Variants in PRKG1 observed in about 807,000 individuals in gnomAD.
The protein encoded by PRKG1 is cGMP-dependent protein kinase 1.
Under a neutral mutation model 88.1 loss-of-function variants are expected in PRKG1, and 35 were observed. That is an observed-to-expected ratio of 0.40 (90% CI 0.30 to 0.53). PRKG1 has a LOEUF of 0.53. Among genes scored for constraint, PRKG1 ranks in the 20% least tolerant of loss-of-function variants. PRKG1 has a pLI of 0.59. For synonymous variants in PRKG1, 303 were observed against 292.5 expected (o/e 1.04, Z -0.37); for missense variants, 540 against 839.8 (o/e 0.64, Z 4.41).
chr10:52,193,266 C>T (rs763409956), intron 9 of PRKG1, among the ~76,000 whole-genome samples: 7 of 151,992 alleles, frequency 4.6e-5, no homozygotes, highest in East Asian at 1.9e-4. Flanking sequence ...AATGTCGGGC[C>T]GGGCGCAGTG....
At chr10:51,994,364 C>G (rs1348842397) in intron 5 of PRKG1, among the ~76,000 whole-genome samples, 1 of 152,130 alleles carries the variant, frequency 6.6e-6, no homozygotes, top group East Asian at 1.9e-4. Flanking sequence ...AGAAGATGCC[C>G]TCTTGTAAGT....
chr10:51,497,314 G>A (rs1053436934), intron 3 of PRKG1, among the ~76,000 whole-genome samples: 11 of 151,858 alleles, frequency 7.2e-5, no homozygotes, highest in African/African-American at 1.7e-4. Context: ...TACTTTTCCC[G>A]TGAATCATCC....
chr10:51,903,167 T>G (rs1182914372), intron 4 of PRKG1, among the ~76,000 whole-genome samples: 1 of 152,138 alleles, frequency 6.6e-6, no homozygotes, highest in African/African-American at 2.4e-5. Context: ...CAGTGTCATA[T>G]GGGCAAATGT....
chr10:51,988,317 A>C (rs1454878104), intron 5 of PRKG1, among the ~76,000 whole-genome samples: 2 of 152,090 alleles, frequency 1.3e-5, no homozygotes, highest in Non-Finnish European at 2.9e-5. Flanking sequence ...CACATTAGAA[A>C]ATTTATTGAT....
intron 9 of PRKG1, among the ~76,000 whole-genome samples, chr10:52,190,228 A>C (rs1839328951): frequency 6.6e-6 from 1 of 152,234 alleles, no homozygotes; most frequent in Non-Finnish European, 1.5e-5. Flanking sequence ...TTGACAATTG[A>C]GCTCTACAAC....
At chr10:52,275,935 TG>T (rs1841862949) in intron 12 of PRKG1, among the ~76,000 whole-genome samples, 1 of 152,138 alleles carries the variant, frequency 6.6e-6, no homozygotes, top group African/African-American at 2.4e-5. Context: ...TTTGTTTGTT[TG>T]TTTGCAGCTA....
At chr10:51,616,779 A>C (rs1345323558) in intron 3 of PRKG1, among the ~76,000 whole-genome samples, 1 of 152,114 alleles carries the variant, frequency 6.6e-6, no homozygotes, top group Non-Finnish European at 1.5e-5. Context: ...TAGCCCTGCC[A>C]CTGGGTAGGG....
chr10:52,063,999 G>C (rs138702825), intron 7 of PRKG1, among the ~76,000 whole-genome samples: 25 of 152,320 alleles, frequency 1.6e-4, no homozygotes, highest in African/African-American at 5.8e-4. Context: ...GTCCAGAAAA[G>C]GCACTGCAAG....
At chr10:51,565,124 C>T (rs1438148944) in intron 3 of PRKG1, among the ~76,000 whole-genome samples, 1 of 152,024 alleles carries the variant, frequency 6.6e-6, no homozygotes, top group Non-Finnish European at 1.5e-5. Flanking sequence ...ACCAAACAAA[C>T]AAAATAGATA....
chr10:52,133,344 C>T (rs567802654), intron 7 of PRKG1, among the ~76,000 whole-genome samples: 1 of 152,076 alleles, frequency 6.6e-6, no homozygotes, highest in African/African-American at 2.4e-5. Flanking sequence ...TGACTATGTG[C>T]CATAAATTGC....
intron 9 of PRKG1, among the ~76,000 whole-genome samples, chr10:52,181,419 C>CTTTTTTTTTTTTTTTTTT (rs761799361): frequency 1.8e-5 from 1 of 55,066 alleles, no homozygotes; most frequent in Non-Finnish European, 3.8e-5. Flanking sequence ...CACAGCTCTT[C>CTTTTTTTTTTTTTTTTTT]TTTTTTTTTT....
rs112623146 is a variant in PRKG1, at chr10:51,230,055, G to A, written c.478+76725G>A. On this transcript the variant is annotated intron_variant, in intron 2 of 17. Coordinates refer to ENST00000373980, the MANE Select transcript of PRKG1 (RefSeq NM_006258.4). ...ACTTGTAAGTGCTATTTTTCAACAC[G>A]TACAAGGATATTCTTTACAGCATTA... Among the ~76,000 whole-genome samples, 1,423 of 151,370 alleles carry A rather than the reference G, an allele frequency of 9.4e-3. 22 individuals carry two copies. Among genetic ancestry groups the A allele is most frequent in the African/African-American group, 0.029 (1,199 of 41,172 alleles).
At chr10:52,282,099 C>T in intron 13 of PRKG1, 54 bp from the exon 14 acceptor site, 2 of 1,445,606 alleles carry the variant, frequency 1.4e-6, no homozygotes, top group East Asian at 2.3e-5. Context: ...TAACTTATTA[C>T]TTTAAAACTT....
chr10:51,542,039 T>G (rs1040498715), intron 3 of PRKG1, among the ~76,000 whole-genome samples: 1 of 152,082 alleles, frequency 6.6e-6, no homozygotes, highest in East Asian at 1.9e-4. Context: ...AGGCTCTTCA[T>G]TAGTAACTAC....
intron 2 of PRKG1, among the ~76,000 whole-genome samples, chr10:51,271,923 G>T (rs1422642456): frequency 3.3e-5 from 5 of 152,300 alleles, no homozygotes; most frequent in Non-Finnish European, 5.9e-5. Context: ...AATTCTTTGG[G>T]TGTATACCCA....
At chr10:51,557,934 A>T (rs1192137047) in intron 3 of PRKG1, among the ~76,000 whole-genome samples, 2 of 152,224 alleles carry the variant, frequency 1.3e-5, no homozygotes, top group African/African-American at 4.8e-5. Context: ...GTAAAAATCA[A>T]TAGAAATATT....
chr10:51,377,678 TA>T (rs916996150), intron 2 of PRKG1, among the ~76,000 whole-genome samples: 31 of 152,258 alleles, frequency 2.0e-4, no homozygotes, highest in Admixed American at 1.6e-3. Flanking sequence ...TGTTTTTCTT[TA>T]AAAAAATAAA....
intron 7 of PRKG1, among the ~76,000 whole-genome samples, chr10:52,085,568 A>G (rs966314672): frequency 5.9e-5 from 9 of 152,034 alleles, no homozygotes; most frequent in South Asian, 4.1e-4. Context: ...CTTTCTTGTT[A>G]TAATAATCTG....
chr10:51,971,769 A>C (rs1213817035), intron 5 of PRKG1, among the ~76,000 whole-genome samples: 1 of 152,116 alleles, frequency 6.6e-6, no homozygotes, highest in Middle Eastern at 3.2e-3. Flanking sequence ...GCACCTTGTC[A>C]TGTGCAGTAA....
Sources: gnomAD v4.1 joint callset for allele counts (sites outside exome capture counted in the v4.1 genomes callset) on GRCh38, gnomAD v4.1.1 for gene constraint, MANE v1.5 for transcripts, NCBI Gene and HGNC (gene_info 2026-07-23, HGNC 2026-07-21) for gene names.